Variants in ITSN2 observed in about 807,000 individuals in gnomAD.
ITSN2 encodes intersectin-2.
ITSN2 carries 156 observed loss-of-function variants against 243.7 expected under a neutral mutation model. The observed-to-expected ratio is 0.64, with a 90% CI of 0.56 to 0.73. The LOEUF (loss-of-function observed/expected upper bound fraction) is 0.73, where lower values mean the gene tolerates loss of function less well. Ranked by LOEUF, ITSN2 falls within the 30% of genes least tolerant of loss-of-function variation. ITSN2 has a pLI of 0.00. For synonymous variants in ITSN2, 703 were observed against 699.9 expected (o/e 1.00, Z -0.07); for missense variants, 1,801 against 1,996.1 (o/e 0.90, Z 1.86).
intron 2 of ITSN2, chr2:24,326,716 ACTTC>A (rs1220426918): frequency 5.9e-6 from 1 of 169,054 alleles, no homozygotes; most frequent in African/African-American, 2.4e-5. Flanking sequence ...CAAAATCTTT[ACTTC>A]AAGTCTATCC....
intron 20 of ITSN2, among the ~76,000 whole-genome samples, chr2:24,267,984 C>A (rs1676880636): frequency 6.6e-6 from 1 of 152,182 alleles, no homozygotes; most frequent in African/African-American, 2.4e-5. Flanking sequence ...CAATTTTAAT[C>A]TCTTTCACAT....
chr2:24,305,230 AG>A (rs776353381), intron 8 of ITSN2, among the ~76,000 whole-genome samples: 9 of 152,192 alleles, frequency 5.9e-5, no homozygotes, highest in Non-Finnish European at 8.8e-5. Flanking sequence ...TTCAGGAAAC[AG>A]TTACATCAAT....
At chr2:24,351,780 C>A (rs1241743478) in intron 1 of ITSN2, among the ~76,000 whole-genome samples, 1 of 152,148 alleles carries the variant, frequency 6.6e-6, no homozygotes, top group African/African-American at 2.4e-5. Context: ...TCTCAGTTAT[C>A]AGACCGACTG....
At chr2:24,223,766 G>C (rs899569874) in intron 29 of ITSN2, among the ~76,000 whole-genome samples, 1 of 147,674 alleles carries the variant, frequency 6.8e-6, no homozygotes, top group Non-Finnish European at 1.5e-5. Flanking sequence ...GGGGAGGGGA[G>C]GGGAGGGGAG....
At chr2:24,324,227 G>A (rs1010190783) in intron 2 of ITSN2, among the ~76,000 whole-genome samples, 8 of 151,898 alleles carry the variant, frequency 5.3e-5, no homozygotes, top group East Asian at 3.9e-4. Flanking sequence ...GCGAGACTCC[G>A]TCTCAAAAAA....
At chr2:24,336,626 CTTT>C in intron 1 of ITSN2, among the ~76,000 whole-genome samples, 1 of 152,166 alleles carries the variant, frequency 6.6e-6, no homozygotes. Context: ...TCTTCTCCTT[CTTT>C]GATTCCCAAT....
chr2:24,208,106 C>CTCTGGTCTGATCCCGCAGCAGG, intron 37 of ITSN2, 131 bp downstream of exon 37: 1 of 808,240 alleles, frequency 1.2e-6, no homozygotes. Context: ...GGGGAGGGCT[C>CTCTGGTCTGATCCCGCAGCAGG]TCTGGTCTGA....
At chr2:24,238,325 A>G (rs924295760) in intron 29 of ITSN2, among the ~76,000 whole-genome samples, 8 of 152,166 alleles carry the variant, frequency 5.3e-5, no homozygotes, top group African/African-American at 1.7e-4. Flanking sequence ...TTATGTAAAC[A>G]CTTCATACAT....
At position 24,261,669 on chromosome 2, in the gene ITSN2, C is replaced by CA; in HGVS notation, c.2428dup (p.Cys810LeufsTer11). 1 of 1,613,506 alleles carries CA rather than the reference C, an allele frequency of 6.2e-7. No individual in the cohort carries two copies. Among genetic ancestry groups the CA allele is most frequent in the East Asian group, 2.2e-5 (1 of 44,782 alleles). On this transcript the variant is annotated frameshift_variant, in exon 21 of 40. Transcript: ENST00000355123. LOFTEE classifies it high-confidence loss of function. ...TGATGGCATTTTTTCTACATAATTG[C>CA]ATGGAAACCAGCCAAAATTTCCTTG...
Position 24,203,281 on chromosome 2 carries a change from C to T in ITSN2, c.*345G>A, listed in dbSNP as rs995180633. 1.0e-4 allele frequency: 19 copies of T among 188,556 alleles called. No individual in the cohort carries two copies. Among genetic ancestry groups the T allele is most frequent in the African/African-American group, 2.5e-4 (11 of 43,322 alleles). 11.7% of individuals were successfully genotyped at this position (188,556 alleles called of 1,614,324 possible). On this transcript the variant is annotated 3_prime_UTR_variant, in exon 40 of 40. Coordinates refer to ENST00000355123, the MANE Select transcript of ITSN2 (RefSeq NM_006277.3). ...GTTACAGCGTCACCAAACCACTCCA[C>T]GGTGGACACATTCAACCGAGCGGTA...
chr2:24,306,907 G>C (rs1682623758), intron 8 of ITSN2, among the ~76,000 whole-genome samples: 1 of 151,922 alleles, frequency 6.6e-6, no homozygotes, highest in Admixed American at 6.6e-5. Flanking sequence ...CTAGGTTCAA[G>C]CAATTCTCCT....
At chr2:24,220,227 C>A in intron 30 of ITSN2, 1 of 627,554 alleles carries the variant, frequency 1.6e-6, no homozygotes, top group Non-Finnish European at 2.0e-6. Context: ...GGGTAGGGGA[C>A]GCCTGTTCTT....
At chr2:24,242,335 A>C (rs1672824823) in intron 29 of ITSN2, 1 of 152,578 alleles carries the variant, frequency 6.6e-6, no homozygotes, top group African/African-American at 2.4e-5. Flanking sequence ...ATCTTAAAAA[A>C]AGTTCTAATT....
At chr2:24,262,749 T>C (rs1051884687) in intron 20 of ITSN2, among the ~76,000 whole-genome samples, 4 of 152,250 alleles carry the variant, frequency 2.6e-5, no homozygotes. Flanking sequence ...TACTTTCAAC[T>C]ACTTGCAAGA....
At chr2:24,219,670 AC>A (rs1408489424) in intron 30 of ITSN2, among the ~76,000 whole-genome samples, 1 of 152,128 alleles carries the variant, frequency 6.6e-6, no homozygotes, top group Non-Finnish European at 1.5e-5. Flanking sequence ...AGAATCCTGG[AC>A]CCAGACCTGA....
At chr2:24,275,245 G>T (rs537556011) in intron 18 of ITSN2, among the ~76,000 whole-genome samples, 1 of 152,330 alleles carries the variant, frequency 6.6e-6, no homozygotes, top group South Asian at 2.1e-4. Context: ...AAGAGACAAG[G>T]TCTTGCTATG....
intron 3 of ITSN2, 82 bp from the exon 4 acceptor site, chr2:24,313,605 G>A: frequency 1.2e-6 from 1 of 867,502 alleles, no homozygotes; most frequent in East Asian, 2.7e-5. Context: ...ATGGGTATAT[G>A]TTAATGATTT....
chr2:24,310,509 G>T lies in ITSN2; in HGVS notation c.536C>A (p.Pro179His), dbSNP rs759439868. 25 of 1,613,976 alleles carry T rather than the reference G, an allele frequency of 1.5e-5. No homozygotes were observed. The highest frequency in any genetic ancestry group is 2.1e-5 in the Non-Finnish European group (25 of 1,179,976). ...NGTASLIQPL[P>H]IPYSSSTLPH... ...CTCACTTGAAGAAGAATAAGGAATGGGTAAAGGCTGAATGAGACTGGCGGT... is the reference window on the plus strand; with the variant it reads ...CTCACTTGAAGAAGAATAAGGAATGTGTAAAGGCTGAATGAGACTGGCGGT... The change falls in exon 6 of 40, where the codon CCC (proline) becomes CAC (histidine). Residue 179 changes from proline (P) to histidine (H), a missense_variant. This residue lies in a region of ITSN2 where 787 missense variants were observed against 803.9 expected (regional missense o/e 0.98). Transcript: ENST00000355123.
intron 4 of ITSN2, among the ~76,000 whole-genome samples, 161 bp downstream of exon 4, chr2:24,313,299 G>A (rs1683491319): frequency 6.6e-6 from 1 of 151,522 alleles, no homozygotes. Context: ...ATGTTGCCCA[G>A]CCTGGCCTCA....
Sources: allele counts gnomAD v4.1 joint callset (sites outside exome capture counted in the v4.1 genomes callset), GRCh38; gene constraint gnomAD v4.1.1; regional missense constraint gnomAD v4.1.1; transcripts MANE v1.5; gene names NCBI Gene and HGNC (gene_info 2026-07-23, HGNC 2026-07-21).